The following PLEKHA5 variants were observed in gnomAD, a reference collection of about 807,000 sequenced individuals.
PLEKHA5 encodes pleckstrin homology domain-containing family A member 5.
Under a neutral mutation model 181.9 loss-of-function variants are expected in PLEKHA5, and 55 were observed. That is an observed-to-expected ratio of 0.30 (90% CI 0.24 to 0.38). The LOEUF is 0.38. Ranked by LOEUF, PLEKHA5 falls within the 10% of genes least tolerant of loss-of-function variation. The pLI, the probability that PLEKHA5 is intolerant of heterozygous loss-of-function variation, is 1.00. For missense variants in PLEKHA5, 1,432 were observed against 1,549.5 expected, an observed-to-expected ratio of 0.92 and a Z score of 1.27; for synonymous variants, 535 against 529.4, an observed-to-expected ratio of 1.01 and a Z score of -0.15.
chr12:19,294,530 A>G (rs1188584012), intron 15 of PLEKHA5, among the ~76,000 whole-genome samples: 2 of 152,172 alleles, frequency 1.3e-5, no homozygotes, highest in South Asian at 2.1e-4. Context: ...TTCTCACTCT[A>G]ACACTTACTC....
In PLEKHA5 at chr12:19,375,995, T is replaced by A. The variant is rs192426330; in HGVS notation, c.*476T>A. The A allele has an allele frequency of 6.6e-6, 1 of 152,652 alleles. No homozygotes were observed. Among genetic ancestry groups the A allele is most frequent in the Admixed American group, 6.5e-5 (1 of 15,280 alleles). The allele number at this position is 152,652 out of a possible 1,614,324, so 9.5% of individuals were successfully genotyped here. A position where few individuals can be genotyped will look rare whatever the true frequency, so the allele number is the denominator to read the frequency against. ...TTGTTTCACACTTGATTTGTAAAAA[T>A]TTTATATATATGTATTTAAAATGTG... is the stretch of plus-strand genomic sequence containing the variant. On this transcript the variant is annotated 3_prime_UTR_variant, in exon 32 of 32. Coordinates refer to ENST00000429027, the MANE Select transcript of PLEKHA5 (RefSeq NM_001256470.2).
intron 3 of PLEKHA5, among the ~76,000 whole-genome samples, chr12:19,215,627 C>T (rs775386564): frequency 6.6e-6 from 1 of 151,942 alleles, no homozygotes; most frequent in Admixed American, 6.6e-5. Flanking sequence ...TATAAAGAGC[C>T]CTGTTCTACT....
chr12:19,188,643 CCTTTA>C (rs1297561584), intron 3 of PLEKHA5, among the ~76,000 whole-genome samples: 1 of 152,066 alleles, frequency 6.6e-6, no homozygotes. Context: ...TGCTTGTTTA[CCTTTA>C]AGGTCTTATT....
chr12:19,349,673 G>C (rs975813663), intron 25 of PLEKHA5, among the ~76,000 whole-genome samples: 2 of 151,486 alleles, frequency 1.3e-5, no homozygotes, highest in Non-Finnish European at 2.9e-5. Flanking sequence ...TCAGGAGGCC[G>C]AGGTGGGCGG....
At chr12:19,263,170 A>C (rs1485908368) in intron 7 of PLEKHA5, among the ~76,000 whole-genome samples, 1 of 146,894 alleles carries the variant, frequency 6.8e-6, no homozygotes, top group Non-Finnish European at 1.5e-5. Flanking sequence ...ATAATAGCCT[A>C]TATATTTTTT....
chr12:19,328,450 C>T (rs2092476141), intron 20 of PLEKHA5, among the ~76,000 whole-genome samples: 1 of 152,068 alleles, frequency 6.6e-6, no homozygotes, highest in Non-Finnish European at 1.5e-5. Context: ...AATCCATGAA[C>T]ATGGAATGTT....
intron 21 of PLEKHA5, among the ~76,000 whole-genome samples, chr12:19,337,459 G>C (rs1274232864): frequency 1.4e-5 from 2 of 144,190 alleles, no homozygotes; most frequent in African/African-American, 5.1e-5. Context: ...TGAGGCAGGA[G>C]AATCACTTGA....
chr12:19,321,205 C>T (rs1296768415), intron 18 of PLEKHA5, among the ~76,000 whole-genome samples: 3 of 151,306 alleles, frequency 2.0e-5, no homozygotes, highest in Non-Finnish European at 2.9e-5. Context: ...AGACTGGAGA[C>T]GAATTGCTGT....
intron 7 of PLEKHA5, among the ~76,000 whole-genome samples, chr12:19,262,295 G>A (rs2068748853): frequency 6.6e-6 from 1 of 152,138 alleles, no homozygotes. Flanking sequence ...GTGCAGTGGT[G>A]CAATCTTGGC....
intron 3 of PLEKHA5, among the ~76,000 whole-genome samples, chr12:19,247,926 TAAAA>T (rs1174796217): frequency 1.4e-5 from 2 of 144,958 alleles, no homozygotes; most frequent in East Asian, 4.0e-4. Context: ...TAAATTTAAT[TAAAA>T]AAAAAAGAGA....
chr12:19,200,698 T>A, intron 3 of PLEKHA5: 2 of 1,008,882 alleles, frequency 2.0e-6, no homozygotes, highest in Non-Finnish European at 2.4e-6. Flanking sequence ...CTATTTCTGC[T>A]TTCCAAAACC....
In PLEKHA5 at chr12:19,332,774, C is replaced by G. The variant is rs529976291; in HGVS notation, c.2449-3741C>G. On this transcript the variant is annotated intron_variant, in intron 20 of 31. Coordinates refer to ENST00000429027, the MANE Select transcript of PLEKHA5 (RefSeq NM_001256470.2). ...CACCTCGCTCAAGCGATCCTCTCACCTCAGCCTCCCAAGTAGCTGGGACTA... is the reference window on the plus strand; with the variant it reads ...CACCTCGCTCAAGCGATCCTCTCACGTCAGCCTCCCAAGTAGCTGGGACTA... 9.2e-5 allele frequency among the ~76,000 whole-genome samples: 14 copies of G among 152,330 alleles called. 1 individual carries two copies. The South Asian group carries it at 1.0e-3, about 11-fold the overall frequency.
At position 19,191,362 on chromosome 12, in the gene PLEKHA5, C is replaced by G. The variant is rs540116787; in HGVS notation, c.227+58912C>G. 2.4e-4 allele frequency among the ~76,000 whole-genome samples: 37 copies of G among 152,154 alleles called. 1 individual carries two copies. The highest frequency in any genetic ancestry group is 4.3e-4 in the Non-Finnish European group (29 of 67,998). On this transcript the variant is annotated intron_variant, in intron 3 of 31. Coordinates refer to ENST00000429027, the MANE Select transcript of PLEKHA5 (RefSeq NM_001256470.2). Reference sequence around the variant, plus strand: ...AATCAAACTGTTAATACTTTAATACCCTGACACACAGCTTCCCACACTGAA... The same window carrying G: ...AATCAAACTGTTAATACTTTAATACGCTGACACACAGCTTCCCACACTGAA...
chr12:19,280,375 A>T (rs532099749), intron 11 of PLEKHA5, among the ~76,000 whole-genome samples: 2 of 152,202 alleles, frequency 1.3e-5, no homozygotes, highest in East Asian at 3.9e-4. Context: ...GTATTTGTGC[A>T]TTGTTACTGA....
intron 8 of PLEKHA5, among the ~76,000 whole-genome samples, chr12:19,267,662 C>T (rs578117959): frequency 7.3e-6 from 1 of 136,538 alleles, no homozygotes; most frequent in South Asian, 2.4e-4. Flanking sequence ...TCCCTCCCTC[C>T]CCCAACCCCC....
At chr12:19,348,572 T>A in intron 25 of PLEKHA5, 53 bp downstream of exon 25, 5 of 1,407,024 alleles carry the variant, frequency 3.6e-6, no homozygotes, top group Non-Finnish European at 4.8e-6. Context: ...GAAGACAATT[T>A]ACTGCCAAAA....
intron 15 of PLEKHA5, among the ~76,000 whole-genome samples, chr12:19,312,881 A>G (rs979568700): frequency 1.3e-5 from 2 of 152,158 alleles, no homozygotes; most frequent in Non-Finnish European, 2.9e-5. Flanking sequence ...TGCCTTCCTC[A>G]CTAACCTTAA....
At chr12:19,145,391 T>C (rs1322554116) in intron 3 of PLEKHA5, among the ~76,000 whole-genome samples, 1 of 152,110 alleles carries the variant, frequency 6.6e-6, no homozygotes, top group East Asian at 1.9e-4. Flanking sequence ...TTATGATTTT[T>C]CCCTTCTACC....
intron 11 of PLEKHA5, among the ~76,000 whole-genome samples, chr12:19,280,785 A>G (rs2075924583): frequency 6.7e-6 from 1 of 149,828 alleles, no homozygotes; most frequent in Non-Finnish European, 1.5e-5. Context: ...ATTTCAGCTC[A>G]CTGCAACCTC....
Sources: allele counts gnomAD v4.1 joint callset (sites outside exome capture counted in the v4.1 genomes callset), GRCh38; gene constraint gnomAD v4.1.1; transcripts MANE v1.5; gene names NCBI Gene and HGNC (gene_info 2026-07-23, HGNC 2026-07-21).